FAAH2: variants seen among roughly 807,000 people sequenced by gnomAD.
The protein encoded by FAAH2 is fatty acid amide hydrolase 2, also known as fatty-acid amide hydrolase 2.
FAAH2 carries 60 observed loss-of-function variants against 36.9 expected under a neutral mutation model. That is an observed-to-expected ratio of 1.63 (90% CI 1.32 to 2.02). FAAH2 has a LOEUF of 2.02. FAAH2 is among the 30% of genes most tolerant of loss of function. The probability of loss-of-function intolerance (pLI) is 0.00; values close to 1 mark genes in which losing one functional copy is unlikely to be tolerated. For missense variants in FAAH2, 689 were observed against 397.5 expected, an observed-to-expected ratio of 1.73 and a Z score of -6.23; for synonymous variants, 214 against 143.8, an observed-to-expected ratio of 1.49 and a Z score of -3.49.
chrX:57,144,154 G>A, the FAAH2 span, among the ~76,000 whole-genome samples: 6 of 111,679 alleles, frequency 5.4e-5, no homozygotes, highest in African/African-American at 2.0e-4. Context: ...TGGCTTGCAA[G>A]GTTTCTGCTA....
In FAAH2 at chrX:57,292,372, C is replaced by T. The variant is rs1437858082; in HGVS notation, c.193-126C>T. ...TCATATTTTGCCTCATGGGGGACTA[C>T]ACTGTGTAATTCACTGAAAGTGTCT... On this transcript the variant is annotated intron_variant, in intron 1 of 10. Coordinates refer to ENST00000374900, the MANE Select transcript of FAAH2 (RefSeq NM_174912.4). 7.2e-6 allele frequency: 4 copies of T among 558,640 alleles called. No homozygotes were observed. In the East Asian group the frequency reaches 1.1e-4, roughly 16 times the overall value. The allele number at this position is 558,640 out of a possible 1,213,427, so 46.0% of individuals were successfully genotyped here. A position where few individuals can be genotyped will look rare whatever the true frequency, so the allele number is the denominator to read the frequency against.
chrX:57,469,869 T>C (rs1434975784), intron 10 of FAAH2, among the ~76,000 whole-genome samples: 2 of 111,595 alleles, frequency 1.8e-5, no homozygotes, highest in Non-Finnish European at 3.8e-5. Context: ...CCTCAGCAAA[T>C]GTAAAAGAAC....
chrX:57,287,617 A>T, intron 1 of FAAH2, among the ~76,000 whole-genome samples: 1 of 111,902 alleles, frequency 8.9e-6, no homozygotes, highest in Non-Finnish European at 1.9e-5. Context: ...AAGTAAAATG[A>T]TTTGCACAAA....
chrX:57,373,768 G>A (rs1302146330), intron 5 of FAAH2, among the ~76,000 whole-genome samples: 1 of 111,060 alleles, frequency 9.0e-6, no homozygotes, highest in Non-Finnish European at 1.9e-5. Context: ...ATTTGCTTTT[G>A]GGTTATTGGT....
intron 7 of FAAH2, among the ~76,000 whole-genome samples, chrX:57,426,673 G>T (rs998421643): frequency 2.7e-5 from 3 of 111,494 alleles, no homozygotes; most frequent in Non-Finnish European, 5.7e-5. Context: ...AAAAAATGTA[G>T]ACATAAATTA....
chrX:57,154,777 T>A, the FAAH2 span, among the ~76,000 whole-genome samples: 373 of 110,789 alleles, frequency 3.4e-3, 1 homozygote, highest in Non-Finnish European at 5.9e-3. Flanking sequence ...ATTTTTTTTT[T>A]AATTTCTTCT....
At chrX:57,231,066 T>TGTGTGTGA in the FAAH2 span, among the ~76,000 whole-genome samples, 108 of 108,443 alleles carry the variant, frequency 1.0e-3, no homozygotes, top group African/African-American at 3.6e-3. Context: ...TGTGTGTGTG[T>TGTGTGTGA]GAGTGTGTGT....
chrX:57,394,022 G>T lies in FAAH2; in HGVS notation c.996+12993G>T, dbSNP rs963544490. ...TACTGATGGCACCAAATGAGTAAAGGTAGCCTTGTCTGTCTGGGTCAGTTC... is the reference window on the plus strand; with the variant it reads ...TACTGATGGCACCAAATGAGTAAAGTTAGCCTTGTCTGTCTGGGTCAGTTC... On this transcript the variant is annotated intron_variant, in intron 7 of 10. Transcript: ENST00000374900. 8 of 762,166 alleles carry T rather than the reference G, an allele frequency of 1.0e-5. No individual in the cohort carries two copies. In the East Asian group the frequency reaches 1.3e-4, roughly 12 times the overall value. The allele number at this position is 762,166 out of a possible 1,213,427, so 62.8% of individuals were successfully genotyped here. A position where few individuals can be genotyped will look rare whatever the true frequency, so the allele number is the denominator to read the frequency against.
chrX:57,201,747 C>T, the FAAH2 span, among the ~76,000 whole-genome samples: 1 of 111,387 alleles, frequency 9.0e-6, no homozygotes, highest in Non-Finnish European at 1.9e-5. Flanking sequence ...ATATCTGTTA[C>T]AGTACCTTCT....
chrX:57,303,283 T>A (rs1395922124), intron 2 of FAAH2, among the ~76,000 whole-genome samples: 1 of 111,627 alleles, frequency 9.0e-6, no homozygotes, highest in African/African-American at 3.3e-5. Flanking sequence ...GTTGAAGAAA[T>A]AGCTGCTGCA....
chrX:57,323,196 G>A (rs1282888751), intron 3 of FAAH2, among the ~76,000 whole-genome samples: 3 of 111,633 alleles, frequency 2.7e-5, no homozygotes, highest in African/African-American at 9.8e-5. Flanking sequence ...CTATTCCATG[G>A]TGTATATGTG....
chrX:57,369,272 T>G (rs748620457), intron 5 of FAAH2, among the ~76,000 whole-genome samples: 2 of 111,056 alleles, frequency 1.8e-5, no homozygotes, highest in Non-Finnish European at 3.8e-5. Flanking sequence ...ATTCTAGAGA[T>G]TTCAGTAGAA....
At chrX:57,405,296 G>A (rs1318921665) in intron 7 of FAAH2, among the ~76,000 whole-genome samples, 1 of 111,212 alleles carries the variant, frequency 9.0e-6, no homozygotes, top group Non-Finnish European at 1.9e-5. Flanking sequence ...GGGGTTCTTG[G>A]CCTCACAGAT....
At chrX:57,183,657 G>C in the FAAH2 span, among the ~76,000 whole-genome samples, 1 of 111,389 alleles carries the variant, frequency 9.0e-6, no homozygotes, top group Non-Finnish European at 1.9e-5. Flanking sequence ...ATAAGCTGAG[G>C]ATGTACATCA....
chrX:57,394,476 G>A (rs1022390046), intron 7 of FAAH2: 57 of 1,201,196 alleles, frequency 4.7e-5, no homozygotes, highest in Middle Eastern at 6.4e-4. Flanking sequence ...TTACAAGATC[G>A]TGATATATCA....
At chrX:57,377,279 G>C (rs898476607) in intron 5 of FAAH2, among the ~76,000 whole-genome samples, 2 of 112,156 alleles carry the variant, frequency 1.8e-5, no homozygotes, top group African/African-American at 6.5e-5. Flanking sequence ...TATGGTTTTA[G>C]GTCTTACATT....
the FAAH2 span, among the ~76,000 whole-genome samples, chrX:57,218,365 G>T: frequency 9.8e-5 from 11 of 111,753 alleles, no homozygotes; most frequent in African/African-American, 1.6e-4. Context: ...CTACATTAAG[G>T]TATGTCCCTT....
the FAAH2 span, among the ~76,000 whole-genome samples, chrX:57,160,543 T>A: frequency 8.9e-6 from 1 of 112,243 alleles, no homozygotes; most frequent in African/African-American, 3.2e-5. Flanking sequence ...ATGCAGAGAT[T>A]CAACTTCTTC....
intron 3 of FAAH2, among the ~76,000 whole-genome samples, chrX:57,317,344 G>A (rs747646106): frequency 5.4e-5 from 6 of 111,886 alleles, no homozygotes; most frequent in East Asian, 2.8e-4. Context: ...AATGTAAAGC[G>A]AAAAAGAGCA....
Sources: gnomAD v4.1 joint callset for allele counts (sites outside exome capture counted in the v4.1 genomes callset) on GRCh38, gnomAD v4.1.1 for gene constraint, MANE v1.5 for transcripts, NCBI Gene and HGNC (gene_info 2026-07-23, HGNC 2026-07-21) for gene names.